The following TSGA13 variants were observed in gnomAD, a reference collection of about 807,000 sequenced individuals.
The protein encoded by TSGA13 is testis-specific gene 13 protein.
A neutral mutation model predicts 35.1 loss-of-function variants in TSGA13; 37 were observed. The ratio of observed to expected loss-of-function variants is 1.05; its 90% CI spans 0.81 to 1.39. The LOEUF is 1.39. Among genes scored for constraint, TSGA13 ranks in the 40% most tolerant of loss-of-function variants. The pLI is 0.00. For synonymous variants in TSGA13, 124 were observed against 121.2 expected (o/e 1.02, Z -0.15); for missense variants, 338 against 328.5 (o/e 1.03, Z -0.22).
rs782018122 is a variant in TSGA13 at position 130,672,865 on chromosome 7, A to T, written c.399T>A (p.His133Gln). 18 of 1,613,510 alleles carry T rather than the reference A, an allele frequency of 1.1e-5. No homozygotes were observed. In the African/African-American group the frequency reaches 2.4e-4, roughly 22 times the overall value. The change falls in exon 6 of 8, where the codon CAT becomes CAA. Residue 133 changes from histidine to glutamine, a missense_variant. Coordinates refer to ENST00000356588, the MANE Select transcript of TSGA13 (RefSeq NM_052933.4). ...AGAGGTTCTCAGTGGGTTTGTGCTG[A>T]TGATGACTTTCCTGTAGGGAAACGA... ...ELLLKVMESH[H>Q]QHKPTENLWL...
chr7:130,683,596 C>T lies in TSGA13; in HGVS notation c.100G>A (p.Glu34Lys). 1 of 1,613,734 alleles carries T rather than the reference C, an allele frequency of 6.2e-7. No individual in the cohort carries two copies. Among genetic ancestry groups the T allele is most frequent in the Admixed American group, 1.7e-5 (1 of 59,986 alleles). The change falls in exon 3 of 8, where the codon GAG becomes AAG. Residue 34 changes from glutamate (E) to lysine (K), a missense_variant and splice_region_variant. Glu to Lys is a moderately conservative substitution (Grantham distance 56). Transcript: ENST00000356588. ...GAACACTTACTAACACTCCTTACCT[C>T]TTTGCTATTGACAACCATTCCTTTC... Reference protein sequence around the residue: ...REKGMVVNSKEISDAVGQSKF... With the variant: ...REKGMVVNSKKISDAVGQSKF...
intron 6 of TSGA13, among the ~76,000 whole-genome samples, chr7:130,672,198 C>G (rs1247510836): frequency 6.6e-6 from 1 of 152,140 alleles, no homozygotes; most frequent in Non-Finnish European, 1.5e-5. Flanking sequence ...CCCCACCATT[C>G]ACTTTAAAGT....
chr7:130,677,091 A>C (rs1356665367), intron 5 of TSGA13, among the ~76,000 whole-genome samples: 1 of 151,968 alleles, frequency 6.6e-6, no homozygotes, highest in Non-Finnish European at 1.5e-5. Flanking sequence ...ACGGGGTTTC[A>C]CTGGGTTAGC....
chr7:130,674,167 T>G (rs1225419926), intron 5 of TSGA13, among the ~76,000 whole-genome samples: 1 of 122,710 alleles, frequency 8.1e-6, no homozygotes, highest in African/African-American at 2.6e-5. Context: ...TTTTCTTTTT[T>G]TCTTTTTTTT....
chr7:130,669,826 G>A (rs1040422192), intron 7 of TSGA13, among the ~76,000 whole-genome samples: 3 of 152,250 alleles, frequency 2.0e-5, no homozygotes, highest in Non-Finnish European at 2.9e-5. Context: ...TAAAGGTCAA[G>A]TCATACTTTG....
intron 1 of TSGA13, 113 bp downstream of exon 1, chr7:130,686,149 A>G (rs1458977169): frequency 6.6e-6 from 1 of 152,182 alleles, no homozygotes; most frequent in African/African-American, 2.4e-5. Flanking sequence ...GTCTAACTTG[A>G]TTGTCTAGAC....
chr7:130,674,254 C>T (rs1220781955), intron 5 of TSGA13, among the ~76,000 whole-genome samples: 1 of 129,354 alleles, frequency 7.7e-6, no homozygotes, highest in Admixed American at 8.7e-5. Context: ...CTCACTACAA[C>T]CTCTGCCTCC....
rs1554463402 is a variant in TSGA13, at chr7:130,672,738, AC to A, written c.525del (p.Trp175CysfsTer22). On this transcript the variant is annotated frameshift_variant, in exon 6 of 8. Coordinates refer to ENST00000356588, the MANE Select transcript of TSGA13 (RefSeq NM_052933.4). LOFTEE classifies it high-confidence loss of function. ...CAAGAAGAAGCAAGATTTCACCTAA[AC>A]CATTGTTCTCGCTTGGATGTGGGAT... ...SDDPTSKREQ[W>X]FRFSTDNDFK... The A allele has an allele frequency of 3.1e-6, 5 of 1,613,048 alleles. No individual in the cohort carries two copies. Among genetic ancestry groups the A allele is most frequent in the Non-Finnish European group, 4.2e-6 (5 of 1,179,568 alleles).
At chr7:130,683,832 C>A (rs879981995) in intron 2 of TSGA13, among the ~76,000 whole-genome samples, 160 bp from the exon 3 acceptor site, 2 of 152,192 alleles carry the variant, frequency 1.3e-5, no homozygotes, top group Admixed American at 1.3e-4. Flanking sequence ...AAATCAGACT[C>A]ATTATCCAGC....
intron 5 of TSGA13, 118 bp downstream of exon 5, chr7:130,679,037 A>T (rs1442061635): frequency 3.4e-6 from 3 of 871,062 alleles, no homozygotes; most frequent in Non-Finnish European, 5.4e-6. Flanking sequence ...AAACAAACAA[A>T]CAAAAAAATT....
chr7:130,671,736 C>T lies in TSGA13; in HGVS notation c.583G>A (p.Ala195Thr), dbSNP rs117334000. The T allele has an allele frequency of 9.9e-4, 1,595 of 1,609,012 alleles. 2 individuals carry two copies. Among genetic ancestry groups the T allele is most frequent in the Non-Finnish European group, 1.2e-3 (1,467 of 1,176,712 alleles). ...TACATTTTCTTCTGTGTCCTCAAAG[C>T]GTAGACTTTTGAATACTTCCCTTCG... ...KSEGKYSKVY[A>T]LRTQKKMYPQ... The change falls in exon 7 of 8, where the codon GCT becomes ACT. Residue 195 changes from alanine (A) to threonine (T), a missense_variant. Physicochemically the swap from Ala to Thr is moderately conservative, Grantham distance 58. Coordinates refer to ENST00000356588, the MANE Select transcript of TSGA13 (RefSeq NM_052933.4).
In TSGA13 at chr7:130,669,130, G is replaced by C. The variant is rs782633870; in HGVS notation, c.712C>G (p.Leu238Val). The change falls in exon 8 of 8, where the codon CTG becomes GTG. Residue 238 changes from leucine (L) to valine (V), a missense_variant. Coordinates refer to ENST00000356588, the MANE Select transcript of TSGA13 (RefSeq NM_052933.4). ...TCTTCCAAGAGCGATGCGAGTGTCA[G>C]TGGTTCCCGAATCACTTTGGAAATT... Reference protein sequence around the residue: ...RPISKVIREPLTLASLLEDMP... With the variant: ...RPISKVIREPVTLASLLEDMP... 1.6e-5 allele frequency: 26 copies of C among 1,614,128 alleles called. No individual in the cohort carries two copies. In the South Asian group the frequency reaches 2.4e-4, roughly 15 times the overall value.
intron 5 of TSGA13, among the ~76,000 whole-genome samples, chr7:130,676,064 T>C (rs1315384914): frequency 6.6e-6 from 1 of 152,228 alleles, no homozygotes; most frequent in Non-Finnish European, 1.5e-5. Context: ...ATCACTGTAA[T>C]AGATATATCT....
At chr7:130,674,153 T>TTTTTTTTC (rs1399389932) in intron 5 of TSGA13, among the ~76,000 whole-genome samples, 1 of 141,024 alleles carries the variant, frequency 7.1e-6, no homozygotes, top group African/African-American at 2.5e-5. Context: ...TCTTTTCTTC[T>TTTTTTTTC]TTTTTTTCTT....
Position 130,669,060 on chromosome 7 carries a change from C to A in TSGA13, c.782G>T (p.Gly261Val), listed in dbSNP as rs781963716. Reference protein sequence around the residue: ...TAPGESAFRNGRAPQWIIKKA... With the variant: ...TAPGESAFRNVRAPQWIIKKA... ...TTTGATAATCCACTGCGGGGCCCTCCCGTTGCGGAAGGCGCTCTCCCCGGG... is the reference window on the plus strand; with the variant it reads ...TTTGATAATCCACTGCGGGGCCCTCACGTTGCGGAAGGCGCTCTCCCCGGG... The change falls in exon 8 of 8, where the codon GGG becomes GTG. Residue 261 changes from glycine to valine, a missense_variant. Physicochemically the swap from Gly to Val is moderately radical, Grantham distance 109. Transcript: ENST00000356588. 2.5e-6 allele frequency: 4 copies of A among 1,614,218 alleles called. No homozygotes were observed. The highest frequency in any genetic ancestry group is 3.4e-6 in the Non-Finnish European group (4 of 1,180,044).
At chr7:130,670,908 C>T (rs782078368) in intron 7 of TSGA13, among the ~76,000 whole-genome samples, 1 of 152,162 alleles carries the variant, frequency 6.6e-6, no homozygotes, top group Non-Finnish European at 1.5e-5. Context: ...ATTACGGACA[C>T]GCCCAGCCTG....
In TSGA13 at chr7:130,679,374, A is replaced by G. The variant is rs782682894; in HGVS notation, c.175-7T>C. The G allele has an allele frequency of 1.2e-6, 2 of 1,601,886 alleles. No individual in the cohort carries two copies. The highest frequency in any genetic ancestry group is 1.3e-5 in the African/African-American group (1 of 74,840). On this transcript the variant is annotated splice_region_variant and splice_polypyrimidine_tract_variant and intron_variant, in intron 4 of 7. Coordinates refer to ENST00000356588, the MANE Select transcript of TSGA13 (RefSeq NM_052933.4). ...AAGGCTTATAGTACTGGGCCTGAAC[A>G]GACAGAAAGGTTTCCAGAGAGAAAA...
Position 130,683,657 on chromosome 7 carries a change from T to G in TSGA13, c.39A>C (p.Lys13Asn). The change falls in exon 3 of 8, where the codon AAA (lysine) becomes AAC (asparagine). Residue 13 changes from lysine (K) to asparagine (N), a missense_variant. Coordinates refer to ENST00000356588, the MANE Select transcript of TSGA13 (RefSeq NM_052933.4). Reference sequence around the variant, plus strand: ...CTGAGCTATTTTCTGAAGTCTTTGATTTGCCATTTTGAAACCTGAAAAAGA... The same window carrying G: ...CTGAGCTATTTTCTGAAGTCTTTGAGTTGCCATTTTGAAACCTGAAAAAGA... ...QKRQTKFQNGKSKTSENSSAK... is the reference protein window; with the variant it reads ...QKRQTKFQNGNSKTSENSSAK... 6.2e-7 allele frequency: 1 copy of G among 1,613,906 alleles called. No individual in the cohort carries two copies. The highest frequency in any genetic ancestry group is 8.5e-7 in the Non-Finnish European group (1 of 1,179,824).
chr7:130,680,553 A>T (rs1796521260), intron 4 of TSGA13, among the ~76,000 whole-genome samples: 2 of 151,614 alleles, frequency 1.3e-5, no homozygotes, highest in Non-Finnish European at 2.9e-5. Flanking sequence ...ATAGCATGTC[A>T]CTTAAGGTGT....
Sources: gnomAD v4.1 joint callset for allele counts (sites outside exome capture counted in the v4.1 genomes callset) on GRCh38, gnomAD v4.1.1 for gene constraint, MANE v1.5 for transcripts, NCBI Gene and HGNC (gene_info 2026-07-23, HGNC 2026-07-21) for gene names.